The following P4HA1 variants were observed in gnomAD, a reference collection of about 807,000 sequenced individuals.
P4HA1 encodes prolyl 4-hydroxylase subunit alpha 1.
In P4HA1, 24 loss-of-function variants were observed where a neutral mutation model predicts 72.8. The observed-to-expected ratio is 0.33, with a 90% confidence interval of 0.24 to 0.46. The LOEUF (loss-of-function observed/expected upper bound fraction) is 0.46, where lower values mean the gene tolerates loss of function less well. P4HA1 is among the 20% of genes least tolerant of loss of function. The probability of loss-of-function intolerance (pLI) is 1.00; values close to 1 mark genes in which losing one functional copy is unlikely to be tolerated. For synonymous variants in P4HA1, 201 were observed against 218.8 expected (o/e 0.92, Z 0.72); for missense variants, 446 against 640.6 (o/e 0.70, Z 3.28).
intron 12 of P4HA1, among the ~76,000 whole-genome samples, chr10:73,012,865 G>A (rs189584336): frequency 0.011 from 1,707 of 152,148 alleles, 12 homozygotes; most frequent in Middle Eastern, 0.054. Context: ...GCGCGATCTC[G>A]GCTCACTGCA....
chr10:73,050,343 TA>T (rs1312072488), intron 7 of P4HA1, among the ~76,000 whole-genome samples: 1 of 152,126 alleles, frequency 6.6e-6, no homozygotes, highest in Non-Finnish European at 1.5e-5. Flanking sequence ...GCTATTTTAC[TA>T]ATAATTGGAA....
At chr10:73,070,699 A>G (rs60814497) in intron 4 of P4HA1, among the ~76,000 whole-genome samples, 24,066 of 152,042 alleles carry the variant, frequency 0.16, 3,147 homozygotes, top group African/African-American at 0.34. Flanking sequence ...AGCAAGTTTT[A>G]TAAGTTTTAT....
At position 73,007,305 on chromosome 10, in the gene P4HA1, T is replaced by C. The variant is rs1289584674; in HGVS notation, c.*917A>G. On this transcript the variant is annotated 3_prime_UTR_variant, in exon 15 of 15. Coordinates refer to ENST00000394890, the MANE Select transcript of P4HA1 (RefSeq NM_001017962.3). ...TAAAAAAACAAACATTTTGGCTTTC[T>C]AAGAAAAAGACTTTTAAAAAAAATC... 6.6e-6 allele frequency: 1 copy of C among 152,582 alleles called. No individual in the cohort carries two copies. The highest frequency in any genetic ancestry group is 2.4e-5 in the African/African-American group (1 of 41,428). The allele number at this position is 152,582 out of a possible 1,614,324, so 9.5% of individuals were successfully genotyped here. A position where few individuals can be genotyped will look rare whatever the true frequency, so the allele number is the denominator to read the frequency against.
At chr10:73,012,856 C>T (rs1049727024) in intron 12 of P4HA1, among the ~76,000 whole-genome samples, 2 of 152,074 alleles carry the variant, frequency 1.3e-5, no homozygotes, top group African/African-American at 2.4e-5. Context: ...AGTGCAGTGG[C>T]GCGATCTCGG....
At chr10:73,064,898 C>G (rs1370856340) in intron 5 of P4HA1, among the ~76,000 whole-genome samples, 1 of 151,840 alleles carries the variant, frequency 6.6e-6, no homozygotes. Context: ...GAGACATCAT[C>G]CGTTAAACTG....
chr10:73,080,114 A>C (rs1841789662), intron 1 of P4HA1, among the ~76,000 whole-genome samples: 1 of 152,236 alleles, frequency 6.6e-6, no homozygotes, highest in African/African-American at 2.4e-5. Flanking sequence ...ATTGCTTTGA[A>C]TCTGTAAGCT....
At chr10:73,010,383 C>T (rs1047196539) in intron 13 of P4HA1, among the ~76,000 whole-genome samples, 5 of 151,970 alleles carry the variant, frequency 3.3e-5, no homozygotes, top group Non-Finnish European at 7.4e-5. Context: ...CGTTTTTGAT[C>T]ATATGAAAAA....
At chr10:73,016,959 A>T (rs983247435) in intron 10 of P4HA1, 60 bp from the exon 11 acceptor site, 21 of 1,336,576 alleles carry the variant, frequency 1.6e-5, no homozygotes, top group Non-Finnish European at 2.2e-5. Context: ...TTCAAAAAAA[A>T]TCTATGAACC....
chr10:73,014,886 T>G (rs1839981866), intron 11 of P4HA1, among the ~76,000 whole-genome samples: 1 of 151,412 alleles, frequency 6.6e-6, no homozygotes. Flanking sequence ...TGGAGTGCAG[T>G]GCCATGATCT....
intron 9 of P4HA1, among the ~76,000 whole-genome samples, chr10:73,036,294 T>C (rs1840574827): frequency 1.3e-5 from 2 of 152,120 alleles, no homozygotes; most frequent in Non-Finnish European, 2.9e-5. Context: ...ATCTTAATTG[T>C]AGTTCTGTTG....
chr10:73,017,524 A>G (rs1287747233), intron 10 of P4HA1, among the ~76,000 whole-genome samples: 10 of 152,166 alleles, frequency 6.6e-5, no homozygotes, highest in Admixed American at 6.5e-4. Context: ...TGAGATTTCT[A>G]TTATTTTGTT....
At chr10:73,047,297 T>A (rs1840888782) in intron 7 of P4HA1, among the ~76,000 whole-genome samples, 196 bp from the exon 8 acceptor site, 1 of 152,158 alleles carries the variant, frequency 6.6e-6, no homozygotes, top group African/African-American at 2.4e-5. Context: ...TATTAATGAT[T>A]ATTTTCTGGG....
chr10:73,055,267 C>T (rs546509200), intron 5 of P4HA1, among the ~76,000 whole-genome samples: 1 of 152,290 alleles, frequency 6.6e-6, no homozygotes. Context: ...TGCAGTGACA[C>T]GATCTCAGCT....
At chr10:73,016,978 T>G (rs1280533912) in intron 10 of P4HA1, 79 bp from the exon 11 acceptor site, 1 of 1,054,070 alleles carries the variant, frequency 9.5e-7, no homozygotes, top group Non-Finnish European at 1.4e-6. Flanking sequence ...CCTCATTTTT[T>G]GGACTTTTAT....
intron 1 of P4HA1, among the ~76,000 whole-genome samples, chr10:73,095,583 C>T (rs1842147560): frequency 1.3e-5 from 2 of 151,572 alleles, no homozygotes; most frequent in African/African-American, 4.9e-5. Flanking sequence ...ACGTCTTTGC[C>T]CCTCCCCCCT....
chr10:73,053,607 C>T lies in P4HA1; in HGVS notation c.464-17G>A. On this transcript the variant is annotated splice_polypyrimidine_tract_variant and intron_variant, in intron 5 of 14. Coordinates refer to ENST00000394890, the MANE Select transcript of P4HA1 (RefSeq NM_001017962.3). ...GTTTCACTCCTATGAAAAGAAAATA[C>T]AGAGAACTTTAGGAATCTTAACACT... is the stretch of plus-strand genomic sequence containing the variant. 6 of 1,609,476 alleles carry T rather than the reference C, an allele frequency of 3.7e-6. No individual in the cohort carries two copies. The highest frequency in any genetic ancestry group is 5.1e-6 in the Non-Finnish European group (6 of 1,177,762).
At chr10:73,069,004 GAAA>G in intron 4 of P4HA1, 21 bp from the exon 5 acceptor site, 6 of 1,530,368 alleles carry the variant, frequency 3.9e-6, no homozygotes, top group Non-Finnish European at 4.4e-6. Flanking sequence ...ATAAATCAAA[GAAA>G]AAAAAACTGT....
At chr10:73,052,536 G>A (rs1172203010) in intron 6 of P4HA1, among the ~76,000 whole-genome samples, 1 of 152,012 alleles carries the variant, frequency 6.6e-6, no homozygotes, top group Non-Finnish European at 1.5e-5. Flanking sequence ...TAAGTCAAGA[G>A]GAAATACCAC....
In P4HA1 at chr10:73,058,774, CTTT is replaced by C. The variant is rs151028824; in HGVS notation, c.464-5187_464-5185del. Among the ~76,000 whole-genome samples the C allele has an allele frequency of 8.4e-3, 1,034 of 123,774 alleles. 6 individuals carry two copies. The highest frequency in any genetic ancestry group is 0.021 in the African/African-American group (668 of 31,220). 81.2% of individuals were successfully genotyped at this position (123,774 alleles called of 152,430 possible). ...AGTACATAACAGTATTTATAGTATG[CTTT>C]TTTTTTTTTTTTTTTTTGAGACGAA... is the stretch of plus-strand genomic sequence containing the variant. On this transcript the variant is annotated intron_variant, in intron 5 of 14. Transcript: ENST00000394890.
Sources: gnomAD v4.1 joint callset for allele counts (sites outside exome capture counted in the v4.1 genomes callset) on GRCh38, gnomAD v4.1.1 for gene constraint, MANE v1.5 for transcripts, NCBI Gene and HGNC (gene_info 2026-07-23, HGNC 2026-07-21) for gene names.